PARVG: variants seen among roughly 807,000 people sequenced by gnomAD.
The protein encoded by PARVG is gamma-parvin.
Under a neutral mutation model 44.4 loss-of-function variants are expected in PARVG, and 36 were observed. The observed-to-expected ratio is 0.81, with a 90% CI of 0.62 to 1.07. The LOEUF is 1.07. Among genes scored for constraint, PARVG ranks in the 50% least tolerant of loss-of-function variants. The pLI, the probability that PARVG is intolerant of heterozygous loss-of-function variation, is 0.00. For missense variants in PARVG, 407 were observed against 407.4 expected (o/e 1.00, Z 0.01); for synonymous variants, 170 against 174.1 (o/e 0.98, Z 0.19).
intron 4 of PARVG, chr22:44,186,390 G>A: frequency 5.5e-6 from 2 of 366,524 alleles, no homozygotes; most frequent in South Asian, 4.0e-5. Flanking sequence ...GCTCGGCACA[G>A]GTGGGCTCCA....
Position 44,207,394 on chromosome 22 carries a change from G to C in PARVG, c.*968G>C, listed in dbSNP as rs1436525421. 3.1e-5 allele frequency: 3 copies of C among 97,476 alleles called. No individual in the cohort carries two copies. Among genetic ancestry groups the C allele is most frequent in the African/African-American group, 1.2e-4 (3 of 24,702 alleles). 6.0% of individuals were successfully genotyped at this position (97,476 alleles called of 1,614,324 possible). On this transcript the variant is annotated 3_prime_UTR_variant, in exon 14 of 14. Transcript: ENST00000444313. ...CGGGTGAGGCTGGCGGGGAGGGGAG[G>C]GTTTGTGGGGACGGGTGAGGCTGGC... is the stretch of plus-strand genomic sequence containing the variant.
At position 44,196,332 on chromosome 22, in the gene PARVG, T is replaced by C. The variant is rs1218885569; in HGVS notation, c.643-15T>C. 1.9e-6 allele frequency: 3 copies of C among 1,614,092 alleles called. No individual in the cohort carries two copies. The East Asian group carries it at 6.7e-5, about 36-fold the overall frequency. On this transcript the variant is annotated splice_polypyrimidine_tract_variant and intron_variant, in intron 10 of 13. Transcript: ENST00000444313. The stretch of plus-strand genomic sequence containing the variant: ...ACACCTGCTGTGTGCTAGGCCCTTG[T>C]TCTTCCCTGGTTAGGCCATCGTGAA...
upstream of PARVG, among the ~76,000 whole-genome samples, chr22:44,177,777 G>T (rs1033231475): frequency 5.9e-5 from 9 of 151,910 alleles, no homozygotes; most frequent in African/African-American, 2.2e-4. Flanking sequence ...TACCCAGGAG[G>T]ATCACTTAAG....
intron 12 of PARVG, 41 bp from the exon 13 acceptor site, chr22:44,205,716 T>A: frequency 6.2e-7 from 1 of 1,611,292 alleles, no homozygotes; most frequent in Non-Finnish European, 8.5e-7. Flanking sequence ...GGCCTGGGGC[T>A]GCTGCTTGTG....
chr22:44,196,271 C>T (rs1010686250), intron 10 of PARVG, 58 bp downstream of exon 10: 22 of 1,613,434 alleles, frequency 1.4e-5, no homozygotes, highest in Non-Finnish European at 1.8e-5. Context: ...CCACTGCCCA[C>T]CTGCGCTGTA....
intron 1 of PARVG, 77 bp from the exon 2 acceptor site, chr22:44,181,665 G>A: frequency 1.0e-6 from 1 of 974,586 alleles, no homozygotes; most frequent in Non-Finnish European, 1.2e-6. Context: ...CGGGCGCTGG[G>A]GCTCCGGGCA....
chr22:44,186,865 G>A (rs2147223369), intron 4 of PARVG: 2 of 353,080 alleles, frequency 5.7e-6, no homozygotes, highest in East Asian at 7.5e-5. Context: ...TGCCCAAGGG[G>A]CGATGGAGCT....
intron 9 of PARVG, among the ~76,000 whole-genome samples, chr22:44,194,368 C>G (rs1231835830): frequency 1.3e-5 from 2 of 152,186 alleles, no homozygotes; most frequent in South Asian, 2.1e-4. Flanking sequence ...TTTCATGCAT[C>G]CATTCCTTTG....
chr22:44,199,030 C>T (rs572593697), intron 12 of PARVG, among the ~76,000 whole-genome samples: 151 of 149,858 alleles, frequency 1.0e-3, no homozygotes, highest in South Asian at 2.8e-3. Context: ...CATTATCTAC[C>T]TACCTGACCG....
rs550693076 is a variant in PARVG at position 44,195,211 on chromosome 22, G to C, written c.584-944G>C. Reference sequence around the variant, plus strand: ...GCCTGAGGACATGAGGGGTTGCCCAGGGAGCAGTATTTTGGGCAGGGGGCA... The same window carrying C: ...GCCTGAGGACATGAGGGGTTGCCCACGGAGCAGTATTTTGGGCAGGGGGCA... On this transcript the variant is annotated intron_variant, in intron 9 of 13. Coordinates refer to ENST00000444313, the MANE Select transcript of PARVG (RefSeq NM_022141.7). 2.5e-4 allele frequency among the ~76,000 whole-genome samples: 38 copies of C among 152,266 alleles called. No homozygotes were observed. The South Asian group carries it at 7.9e-3, about 32-fold the overall frequency.
At position 44,172,956 on chromosome 22, in the gene PARVG, C is replaced by CTTTG. The variant is rs1476838087; in HGVS notation, c.-419_-416dup. ...TCGTGAGCATGGGCCTGTCCACCGT[C>CTTTG]TTTGTTTGGCTGCTGTTTTAATCTT... On this transcript the variant is annotated 5_prime_UTR_variant, in exon 1 of 14. Transcript: ENST00000422871. 4.7e-6 allele frequency: 6 copies of CTTTG among 1,285,064 alleles called. No homozygotes were observed. In the South Asian group the frequency reaches 7.4e-5, roughly 16 times the overall value. 79.6% of individuals were successfully genotyped at this position (1,285,064 alleles called of 1,614,324 possible). A position where few individuals can be genotyped will look rare whatever the true frequency, so the allele number is the denominator to read the frequency against.
chr22:44,181,963 C>T (rs2054386438), intron 2 of PARVG, 46 bp downstream of exon 2: 1 of 975,162 alleles, frequency 1.0e-6, no homozygotes, highest in African/African-American at 1.7e-5. Context: ...TTGGGGGTCA[C>T]GGAGGGAGGG....
chr22:44,175,690 G>A (rs1015980001), intron 1 of PARVG, among the ~76,000 whole-genome samples: 2 of 152,182 alleles, frequency 1.3e-5, no homozygotes, highest in African/African-American at 4.8e-5. Context: ...GGTGTGGGGG[G>A]GTGGGGGTGT....
In PARVG at chr22:44,181,759, C is replaced by T. The variant is rs998706225; in HGVS notation, c.-171C>T. The T allele has an allele frequency of 1.0e-6, 1 of 985,436 alleles. No homozygotes were observed. Among genetic ancestry groups the T allele is most frequent in the Non-Finnish European group, 1.2e-6 (1 of 829,942 alleles). 61.0% of individuals were successfully genotyped at this position (985,436 alleles called of 1,614,324 possible). On this transcript the variant is annotated 5_prime_UTR_variant, in exon 2 of 14. Coordinates refer to ENST00000444313, the MANE Select transcript of PARVG (RefSeq NM_022141.7). ...TGCCGCAGAGAGGAGGAAGCTCCTG[C>T]CGGCTGAGCGGGCCTGGAGGAAGTG...
At chr22:44,196,474 A>G in intron 11 of PARVG, 59 bp downstream of exon 11, 1 of 1,595,730 alleles carries the variant, frequency 6.3e-7, no homozygotes. Context: ...TAGGAAGGAA[A>G]GAGGGTTCTG....
Position 44,196,394 on chromosome 22 carries a change from T to C in PARVG, c.690T>C (p.Ser230=), listed in dbSNP as rs781776215. Residue 230 remains serine, a synonymous_variant, in exon 11 of 14, where the codon TCT becomes TCC. Transcript: ENST00000444313. ...AGAAGCTGGACCGCCTGGGCCTGTC[T>C]GTGCAGAATCTGGACACCCAGGTAG... ...VNQKLDRLGL[S]VQNLDTQFAD... The C allele has an allele frequency of 1.2e-6, 2 of 1,614,202 alleles. No homozygotes were observed. The highest frequency in any genetic ancestry group is 1.7e-6 in the Non-Finnish European group (2 of 1,180,034).
At chr22:44,187,737 T>C in intron 4 of PARVG, 39 bp from the exon 5 acceptor site, 8 of 1,598,824 alleles carry the variant, frequency 5.0e-6, no homozygotes, top group Non-Finnish European at 6.9e-6. Context: ...AGGTGAGAAG[T>C]CTCCATCCCC....
At chr22:44,198,990 CATCTACCTATCTATCCAT>C (rs2054668233) in intron 12 of PARVG, among the ~76,000 whole-genome samples, 1 of 139,382 alleles carries the variant, frequency 7.2e-6, no homozygotes, top group Admixed American at 7.1e-5. Flanking sequence ...ATCCATCCAT[CATCTACCTATCTATCCAT>C]CCCCATCTAC....
At chr22:44,187,684 G>A (rs749436779) in intron 4 of PARVG, 92 bp from the exon 5 acceptor site, 18 of 1,162,122 alleles carry the variant, frequency 1.5e-5, no homozygotes, top group Non-Finnish European at 2.2e-5. Flanking sequence ...ATGGGTAGGA[G>A]TTGGCAGGCG....
Sources: allele counts gnomAD v4.1 joint callset (sites outside exome capture counted in the v4.1 genomes callset), GRCh38; gene constraint gnomAD v4.1.1; transcripts MANE v1.5; gene names NCBI Gene and HGNC (gene_info 2026-07-23, HGNC 2026-07-21).